Variants in MAST4 observed in about 807,000 individuals in gnomAD.
The protein encoded by MAST4 is microtubule associated serine/threonine kinase family member 4.
A neutral mutation model predicts 162.7 loss-of-function variants in MAST4; 89 were observed. That is an observed-to-expected ratio of 0.55 (90% CI 0.46 to 0.65). The LOEUF (loss-of-function observed/expected upper bound fraction) is 0.65, where lower values mean the gene tolerates loss of function less well. Among genes scored for constraint, MAST4 ranks in the 30% least tolerant of loss-of-function variants. MAST4 has a pLI of 0.00. For synonymous variants in MAST4, 1,479 were observed against 1,361.1 expected, an observed-to-expected ratio of 1.09 and a Z score of -1.91; for missense variants, 3,153 against 3,374.0, an observed-to-expected ratio of 0.93 and a Z score of 1.62.
chr5:66,790,569 A>G (rs925584480), intron 3 of MAST4, among the ~76,000 whole-genome samples: 7 of 152,146 alleles, frequency 4.6e-5, no homozygotes, highest in Admixed American at 6.5e-5. Context: ...TTTAGGGACA[A>G]AGTCTTGCTT....
intron 1 of MAST4, among the ~76,000 whole-genome samples, chr5:66,625,608 C>T (rs1038619118): frequency 1.3e-5 from 2 of 152,062 alleles, no homozygotes; most frequent in African/African-American, 4.8e-5. Context: ...CTTTCATCAT[C>T]AGGAAAAAGA....
At chr5:66,620,618 T>G (rs1744016683) in intron 1 of MAST4, among the ~76,000 whole-genome samples, 1 of 152,374 alleles carries the variant, frequency 6.6e-6, no homozygotes, top group Non-Finnish European at 1.5e-5. Context: ...GTCTCATTTA[T>G]GGGAATGGTA....
At chr5:66,638,841 A>G (rs975018614) in intron 1 of MAST4, among the ~76,000 whole-genome samples, 2 of 152,178 alleles carry the variant, frequency 1.3e-5, no homozygotes, top group African/African-American at 4.8e-5. Context: ...TCGGTGCTCA[A>G]AAGTTTCAAG....
intron 3 of MAST4, among the ~76,000 whole-genome samples, chr5:66,865,128 C>A (rs193195030): frequency 6.6e-6 from 1 of 152,172 alleles, no homozygotes; most frequent in Non-Finnish European, 1.5e-5. Context: ...CTGGAGATGA[C>A]AAACACTGGG....
At chr5:66,597,040 C>A in intron 1 of MAST4, 22 bp downstream of exon 1, 1 of 1,411,746 alleles carries the variant, frequency 7.1e-7, no homozygotes, top group Non-Finnish European at 9.2e-7. Context: ...CCCAGCTTGC[C>A]CACTCTGGGT....
At chr5:66,783,511 C>T (rs1252619672) in intron 2 of MAST4, 1 of 152,166 alleles carries the variant, frequency 6.6e-6, no homozygotes, top group Non-Finnish European at 1.5e-5. Flanking sequence ...GCAAGGATCT[C>T]TCTATCCTGT....
At chr5:66,964,242 G>T (rs575415846) in intron 4 of MAST4, among the ~76,000 whole-genome samples, 1 of 151,984 alleles carries the variant, frequency 6.6e-6, no homozygotes, top group African/African-American at 2.4e-5. Context: ...GAACTCCAAG[G>T]TATATACTCC....
chr5:66,821,210 C>T (rs1756978189), intron 3 of MAST4, among the ~76,000 whole-genome samples: 1 of 152,214 alleles, frequency 6.6e-6, no homozygotes, highest in Non-Finnish European at 1.5e-5. Context: ...GGAAAAATTC[C>T]TACTTTCCCT....
At chr5:66,708,133 C>A (rs534390525) in intron 1 of MAST4, among the ~76,000 whole-genome samples, 8 of 152,258 alleles carry the variant, frequency 5.3e-5, no homozygotes, top group African/African-American at 1.9e-4. Context: ...CACAGCTCTG[C>A]AAAGCTAGTC....
chr5:66,718,993 C>G (rs1162615353), intron 1 of MAST4, among the ~76,000 whole-genome samples: 1 of 152,218 alleles, frequency 6.6e-6, no homozygotes, highest in East Asian at 1.9e-4. Context: ...GAGTTATACA[C>G]TAGCATTACC....
At chr5:66,790,164 T>A (rs1017713520) in intron 3 of MAST4, among the ~76,000 whole-genome samples, 2 of 152,116 alleles carry the variant, frequency 1.3e-5, no homozygotes, top group African/African-American at 4.8e-5. Context: ...TATAAATCAA[T>A]GTATTGTGTC....
intron 3 of MAST4, among the ~76,000 whole-genome samples, chr5:66,810,801 A>G (rs536995652): frequency 6.6e-5 from 10 of 152,270 alleles, no homozygotes; most frequent in African/African-American, 2.4e-4. Flanking sequence ...GTCATAGGGT[A>G]TTGGCCATAT....
At chr5:66,654,600 AAATT>A (rs537899331) in intron 1 of MAST4, among the ~76,000 whole-genome samples, 48 of 152,358 alleles carry the variant, frequency 3.2e-4, no homozygotes, top group African/African-American at 1.2e-3. Flanking sequence ...TTTTGAATAC[AAATT>A]AATTATCAAA....
intron 5 of MAST4, among the ~76,000 whole-genome samples, chr5:67,085,733 A>C (rs540827694): frequency 1.1e-4 from 16 of 152,292 alleles, no homozygotes; most frequent in African/African-American, 3.8e-4. Flanking sequence ...TTAGAGTCGA[A>C]ACAGCTGCCC....
intron 3 of MAST4, among the ~76,000 whole-genome samples, chr5:66,860,638 G>T (rs1760035334): frequency 6.7e-6 from 1 of 149,808 alleles, no homozygotes; most frequent in Non-Finnish European, 1.5e-5. Flanking sequence ...TTTTTCGTCA[G>T]CAGCCTTTCT....
At chr5:67,018,083 A>G (rs1482447929) in intron 4 of MAST4, among the ~76,000 whole-genome samples, 1 of 152,138 alleles carries the variant, frequency 6.6e-6, no homozygotes. Flanking sequence ...ACTATGGTAC[A>G]CTGTGTCATC....
rs975702507 is a variant in MAST4, at chr5:66,637,978, C to T, written c.363+40960C>T. Among the ~76,000 whole-genome samples the T allele has an allele frequency of 9.2e-5, 14 of 152,322 alleles. No homozygotes were observed. In the East Asian group the frequency reaches 2.1e-3, roughly 23 times the overall value. On this transcript the variant is annotated intron_variant, in intron 1 of 28. Transcript: ENST00000403625. ...TTGGCCTCCCAAAGAACTGGGATTA[C>T]AGACATGAGCCACCATGCCGAGCCT...
At chr5:66,940,171 C>T (rs1430480607) in intron 4 of MAST4, among the ~76,000 whole-genome samples, 1 of 152,032 alleles carries the variant, frequency 6.6e-6, no homozygotes, top group African/African-American at 2.4e-5. Context: ...AAACAAGATC[C>T]TGTGAGCCTT....
intron 1 of MAST4, among the ~76,000 whole-genome samples, chr5:66,661,757 C>A (rs1298307317): frequency 6.6e-6 from 1 of 152,038 alleles, no homozygotes; most frequent in Non-Finnish European, 1.5e-5. Flanking sequence ...TCTGTATTTG[C>A]CCTTCATAAG....
Sources: allele counts gnomAD v4.1 joint callset (sites outside exome capture counted in the v4.1 genomes callset), GRCh38; gene constraint gnomAD v4.1.1; transcripts MANE v1.5; gene names NCBI Gene and HGNC (gene_info 2026-07-23, HGNC 2026-07-21).